The following CENPT variants were observed in gnomAD, a reference collection of about 807,000 sequenced individuals.
CENPT encodes the protein interphase centromere complex protein 22.
CENPT carries 42 observed loss-of-function variants against 59.7 expected under a neutral mutation model. The ratio of observed to expected loss-of-function variants is 0.70; its 90% CI spans 0.55 to 0.91. The LOEUF is 0.91. Among genes scored for constraint, CENPT ranks in the 40% least tolerant of loss-of-function variants. The pLI, the probability that CENPT is intolerant of heterozygous loss-of-function variation, is 0.00. For missense variants in CENPT, 716 were observed against 713.4 expected (o/e 1.00, Z -0.04); for synonymous variants, 295 against 289.6 (o/e 1.02, Z -0.19).
chr16:67,844,795 T>A (rs919746897), intron 1 of CENPT, among the ~76,000 whole-genome samples: 6 of 151,314 alleles, frequency 4.0e-5, no homozygotes, highest in South Asian at 2.1e-4. Context: ...TTTTTTTTTT[T>A]ATTTTTTTTT....
At chr16:67,829,701 CCTTT>C (rs2057663261) in intron 12 of CENPT, 60 bp downstream of exon 12, 4 of 1,536,546 alleles carry the variant, frequency 2.6e-6, no homozygotes, top group Non-Finnish European at 2.7e-6. Context: ...CCAGACAAGG[CCTTT>C]CTGTGTGCTA....
chr16:67,832,401 C>A (rs775842595), intron 5 of CENPT, 54 bp downstream of exon 5: 49 of 1,606,708 alleles, frequency 3.0e-5, no homozygotes, highest in Non-Finnish European at 3.9e-5. Context: ...TAGACCTCAA[C>A]CCCCCTCCCC....
In CENPT at chr16:67,831,096, G is replaced by A. The variant is rs191267706; in HGVS notation, c.703+120C>T. 129 of 1,313,142 alleles carry A rather than the reference G, an allele frequency of 9.8e-5. No homozygotes were observed. The East Asian group carries it at 1.8e-3, about 18-fold the overall frequency. The allele number at this position is 1,313,142 out of a possible 1,614,324, so 81.3% of individuals were successfully genotyped here. On this transcript the variant is annotated intron_variant, in intron 10 of 15. Coordinates refer to ENST00000562787, the MANE Select transcript of CENPT (RefSeq NM_025082.4). The stretch of plus-strand genomic sequence containing the variant: ...AAATTCCTTGTAGACCCACTGACCA[G>A]AGTTGCTCGCTGTCCTTGACCCCAC...
At chr16:67,833,459 C>A (rs2057712391) in intron 4 of CENPT, among the ~76,000 whole-genome samples, 1 of 152,232 alleles carries the variant, frequency 6.6e-6, no homozygotes, top group Non-Finnish European at 1.5e-5. Flanking sequence ...CGGGATCAGT[C>A]AGGCTCTGTG....
Position 67,831,585 on chromosome 16 carries a change from G to A in CENPT, c.551C>T (p.Ser184Phe). The A allele has an allele frequency of 6.2e-7, 1 of 1,614,184 alleles. No individual in the cohort carries two copies. The highest frequency in any genetic ancestry group is 1.3e-5 in the African/African-American group (1 of 75,060). Residue 184 changes from serine (S) to phenylalanine (F), a missense_variant, in exon 9 of 16, where the codon TCC becomes TTC. Transcript: ENST00000562787. ...QEPQGNADASSLTRSLNLTFA... is the reference protein window; with the variant it reads ...QEPQGNADASFLTRSLNLTFA... ...ACACCCAGAGCAGCACCTGGTGAGG[G>A]AAGAGGCATCAGCATTCCCTTGAGG...
At chr16:67,845,276 C>G (rs1362329407) in intron 1 of CENPT, among the ~76,000 whole-genome samples, 1 of 152,174 alleles carries the variant, frequency 6.6e-6, no homozygotes, top group Non-Finnish European at 1.5e-5. Flanking sequence ...CTCTTTCTTA[C>G]TTATGGACAA....
chr16:67,832,165 G>A (rs549910871), intron 6 of CENPT, 57 bp from the exon 7 acceptor site: 37 of 1,608,622 alleles, frequency 2.3e-5, no homozygotes, highest in Admixed American at 8.3e-5. Context: ...CTGAATAAAA[G>A]ATACCACAAG....
chr16:67,831,404 C>T (rs200745931), intron 9 of CENPT, 46 bp from the exon 10 acceptor site: 37 of 1,599,482 alleles, frequency 2.3e-5, no homozygotes, highest in Middle Eastern at 3.9e-4. Flanking sequence ...ACCTGAGACC[C>T]AGTTTGCCCA....
At chr16:67,845,359 C>G (rs540969374) in intron 1 of CENPT, among the ~76,000 whole-genome samples, 2 of 152,176 alleles carry the variant, frequency 1.3e-5, no homozygotes, top group African/African-American at 4.8e-5. Flanking sequence ...TGTTTCCCTT[C>G]TAGTCCCTTA....
chr16:67,831,715 G>C lies in CENPT; in HGVS notation c.523+39C>G. Reference sequence around the variant, plus strand: ...GACTCCTCAGCCTCTCCAGAGGACAGGAGGGAGAGGGTAGCAAAAGTGGTG... The same window carrying C: ...GACTCCTCAGCCTCTCCAGAGGACACGAGGGAGAGGGTAGCAAAAGTGGTG... On this transcript the variant is annotated intron_variant, in intron 8 of 15. Transcript: ENST00000562787. 2.5e-6 allele frequency: 4 copies of C among 1,589,308 alleles called. 1 individual carries two copies. The South Asian group carries it at 4.6e-5, about 18-fold the overall frequency.
intron 13 of CENPT, 123 bp downstream of exon 13, chr16:67,829,300 C>T: frequency 1.3e-6 from 1 of 782,434 alleles, no homozygotes; most frequent in East Asian, 3.1e-5. Context: ...CCCAGCCCAG[C>T]TGAAGCTGCC....
chr16:67,829,107 A>C, intron 13 of CENPT: 1 of 515,936 alleles, frequency 1.9e-6, no homozygotes, highest in Non-Finnish European at 3.4e-6. Flanking sequence ...TGGGTCCATG[A>C]CTCCAGGCCT....
chr16:67,845,996 G>A (rs926888857), intron 1 of CENPT, among the ~76,000 whole-genome samples: 1 of 152,216 alleles, frequency 6.6e-6, no homozygotes, highest in Non-Finnish European at 1.5e-5. Context: ...GAGAGGCCTT[G>A]TAGCCATTTC....
chr16:67,844,174 TAAAC>T (rs2057782752), intron 1 of CENPT: 1 of 166,694 alleles, frequency 6.0e-6, no homozygotes, highest in South Asian at 2.1e-4. Context: ...CAAAACAAAT[TAAAC>T]AAAAAGTAAG....
At position 67,828,727 on chromosome 16, in the gene CENPT, A is replaced by T; in HGVS notation, c.1397T>A (p.Leu466His). 6.2e-7 allele frequency: 1 copy of T among 1,614,050 alleles called. No homozygotes were observed. ...GGGCATCTTGGCATAGAAGCTAAAG[A>T]GTTTCACATAGTGGCTCAGTCCAGC... ...HKAGLSHYVK[L>H]FSFYAKMPME... Residue 466 changes from leucine (L) to histidine (H), a missense_variant, in exon 14 of 16, where the codon CTC (leucine) becomes CAC (histidine). Leu to His is a moderately conservative substitution (Grantham distance 99). Coordinates refer to ENST00000562787, the MANE Select transcript of CENPT (RefSeq NM_025082.4).
chr16:67,836,008 G>C (rs2057733060), intron 1 of CENPT, among the ~76,000 whole-genome samples: 1 of 151,900 alleles, frequency 6.6e-6, no homozygotes, highest in Non-Finnish European at 1.5e-5. Context: ...CTCCCAAAGT[G>C]CTGGGATTAC....
chr16:67,845,390 T>C (rs1339789130), intron 1 of CENPT, among the ~76,000 whole-genome samples: 2 of 152,100 alleles, frequency 1.3e-5, no homozygotes, highest in African/African-American at 4.8e-5. Context: ...GGGAAAGTGG[T>C]GGGGAAGGAG....
rs776114944 is a variant in CENPT at position 67,831,230 on chromosome 16, G to A, written c.689C>T (p.Ser230Phe). ...GAFLRDLRDT[S>F]LAPPNIVLED... Reference sequence around the variant, plus strand: ...CCCAACCTTACTTGGAGGAGCCAGGGAAGTATCTCGCAGATCCCGCAAAAA... The same window carrying A: ...CCCAACCTTACTTGGAGGAGCCAGGAAAGTATCTCGCAGATCCCGCAAAAA... Residue 230 changes from serine (S) to phenylalanine (F), a missense_variant, in exon 10 of 16, where the codon TCC becomes TTC. Physicochemically the swap from Ser to Phe is radical, Grantham distance 155. Transcript: ENST00000562787. 17 of 1,613,952 alleles carry A rather than the reference G, an allele frequency of 1.1e-5. No homozygotes were observed. The highest frequency in any genetic ancestry group is 1.4e-5 in the Non-Finnish European group (17 of 1,180,014).
chr16:67,835,472 T>C (rs2057729783), intron 2 of CENPT, 66 bp downstream of exon 2: 1 of 152,128 alleles, frequency 6.6e-6, no homozygotes, highest in Non-Finnish European at 1.5e-5. Context: ...AAGACCAGTC[T>C]GGCCAACATG....
Sources: allele counts gnomAD v4.1 joint callset (sites outside exome capture counted in the v4.1 genomes callset), GRCh38; gene constraint gnomAD v4.1.1; transcripts MANE v1.5; gene names NCBI Gene and HGNC (gene_info 2026-07-23, HGNC 2026-07-21).